C19orf18: variants seen among roughly 807,000 people sequenced by gnomAD.
The protein encoded by C19orf18 is uncharacterized protein C19orf18.
In C19orf18, 21 loss-of-function variants were observed where a neutral mutation model predicts 23.3. The observed-to-expected ratio is 0.90, with a 90% confidence interval of 0.64 to 1.30. The LOEUF (loss-of-function observed/expected upper bound fraction) is 1.30, where lower values mean the gene tolerates loss of function less well. Among genes scored for constraint, C19orf18 ranks in the 50% most tolerant of loss-of-function variants. C19orf18 has a pLI of 0.00. For missense variants in C19orf18, 249 were observed against 259.6 expected (o/e 0.96, Z 0.28); for synonymous variants, 96 against 95.2 (o/e 1.01, Z -0.05).
At chr19:57,966,077 A>C (rs1455909427) in intron 4 of C19orf18, among the ~76,000 whole-genome samples, 3 of 150,434 alleles carry the variant, frequency 2.0e-5, no homozygotes, top group Admixed American at 2.0e-4. Flanking sequence ...TCCCGGGTTC[A>C]CACCATTCTC....
At chr19:57,958,844 T>G (rs1211615077) in intron 5 of C19orf18, 127 bp from the exon 6 acceptor site, 1 of 540,496 alleles carries the variant, frequency 1.9e-6, no homozygotes, top group Non-Finnish European at 3.2e-6. Flanking sequence ...GGATTCATAA[T>G]GAATGTTATT....
chr19:57,972,002 C>G (rs1039247008), intron 3 of C19orf18, among the ~76,000 whole-genome samples: 1 of 152,138 alleles, frequency 6.6e-6, no homozygotes. Context: ...GACTCAGAAG[C>G]CGCCCTGTTG....
chr19:57,961,266 G>A (rs1447403892), intron 5 of C19orf18, 125 bp downstream of exon 5: 2 of 1,053,274 alleles, frequency 1.9e-6, no homozygotes, highest in East Asian at 5.1e-5. Flanking sequence ...AAGGAAGGAA[G>A]AAAGAAAGAA....
chr19:57,972,412 A>C, intron 3 of C19orf18, 51 bp downstream of exon 3: 3 of 1,599,862 alleles, frequency 1.9e-6, no homozygotes, highest in Non-Finnish European at 2.6e-6. Flanking sequence ...ACATCACGAC[A>C]GCTTCAGGAA....
intron 4 of C19orf18, 75 bp from the exon 5 acceptor site, chr19:57,961,626 T>C: frequency 1.9e-6 from 3 of 1,547,302 alleles, no homozygotes; most frequent in African/African-American, 1.4e-5. Context: ...ATGCCACTTT[T>C]TGACAGGAAA....
Position 57,966,583 on chromosome 19 carries a change from G to A in C19orf18, c.318C>T (p.Ser106=), listed in dbSNP as rs769105610. ...PALVKVILIS[S]VAFSIALICG... ...ATATCAGGGCAATGCTGAAGGCTAC[G>A]CTCGAAATTAAAATTACTTTAACAA... is the stretch of plus-strand genomic sequence containing the variant. Residue 106 remains serine (S), a synonymous_variant, in exon 4 of 6, where the codon AGC becomes AGT. Transcript: ENST00000314391. The A allele has an allele frequency of 3.7e-6, 6 of 1,613,072 alleles. No homozygotes were observed. The highest frequency in any genetic ancestry group is 1.1e-5 in the South Asian group (1 of 91,070).
At chr19:57,965,054 G>A (rs2072899313) in intron 4 of C19orf18, among the ~76,000 whole-genome samples, 3 of 152,184 alleles carry the variant, frequency 2.0e-5, no homozygotes, top group African/African-American at 7.2e-5. Flanking sequence ...GTGAAAGGGA[G>A]AGTGGTCGCT....
At chr19:57,966,287 T>C (rs1482948471) in intron 4 of C19orf18, among the ~76,000 whole-genome samples, 1 of 152,142 alleles carries the variant, frequency 6.6e-6, no homozygotes, top group Non-Finnish European at 1.5e-5. Flanking sequence ...TAATATTTTC[T>C]AATATTTTCT....
intron 3 of C19orf18, among the ~76,000 whole-genome samples, chr19:57,969,609 A>C (rs1271393232): frequency 6.3e-4 from 93 of 147,970 alleles, no homozygotes; most frequent in Non-Finnish European, 1.0e-3. Flanking sequence ...AAGAAAAAAA[A>C]CAAAGTAAGC....
chr19:57,965,874 T>G (rs577881118), intron 4 of C19orf18, among the ~76,000 whole-genome samples: 1 of 152,332 alleles, frequency 6.6e-6, no homozygotes, highest in Admixed American at 6.5e-5. Flanking sequence ...AAATATATTT[T>G]ATTTCACAAC....
chr19:57,961,592 T>C (rs552319930), intron 4 of C19orf18, 41 bp from the exon 5 acceptor site: 2 of 1,600,446 alleles, frequency 1.2e-6, no homozygotes, highest in East Asian at 2.2e-5. Context: ...ACAGTTTTCA[T>C]GATGAATAAT....
chr19:57,961,646 T>G, intron 4 of C19orf18, 95 bp from the exon 5 acceptor site: 4 of 1,394,464 alleles, frequency 2.9e-6, no homozygotes, highest in Non-Finnish European at 4.0e-6. Flanking sequence ...AGGAGTCGCT[T>G]GTGGAGTGGG....
At chr19:57,963,231 G>C (rs768104279) in intron 4 of C19orf18, among the ~76,000 whole-genome samples, 2 of 151,888 alleles carry the variant, frequency 1.3e-5, no homozygotes, top group Non-Finnish European at 1.5e-5. Flanking sequence ...GTTTCTCCAT[G>C]TTGGTCAGGC....
intron 3 of C19orf18, among the ~76,000 whole-genome samples, chr19:57,967,829 G>A (rs138640063): frequency 0.056 from 8,126 of 145,880 alleles, 320 homozygotes; most frequent in Middle Eastern, 0.085. Context: ...CCAACACGGC[G>A]AAACCCCATC....
intron 4 of C19orf18, among the ~76,000 whole-genome samples, chr19:57,962,047 T>C (rs1049388141): frequency 1.3e-5 from 2 of 151,516 alleles, no homozygotes; most frequent in Admixed American, 6.6e-5. Context: ...TTTCTCTCTT[T>C]GGAACAGGGT....
intron 3 of C19orf18, among the ~76,000 whole-genome samples, chr19:57,967,084 A>C (rs1365949833): frequency 8.0e-6 from 1 of 124,950 alleles, no homozygotes; most frequent in Non-Finnish European, 1.7e-5. Context: ...ACTCCGTCTC[A>C]AAAAAAAAAA....
intron 4 of C19orf18, among the ~76,000 whole-genome samples, chr19:57,963,151 C>T (rs1023429358): frequency 2.0e-5 from 3 of 151,342 alleles, no homozygotes; most frequent in Admixed American, 2.0e-4. Flanking sequence ...CTCAGCCTCC[C>T]GAGTAGCTGG....
chr19:57,965,614 G>A (rs754229687), intron 4 of C19orf18, among the ~76,000 whole-genome samples: 11 of 152,084 alleles, frequency 7.2e-5, no homozygotes, highest in African/African-American at 9.7e-5. Context: ...GCATGGTGGC[G>A]TATGCCTGCA....
chr19:57,965,318 A>C (rs1168705252), intron 4 of C19orf18, among the ~76,000 whole-genome samples: 1 of 152,038 alleles, frequency 6.6e-6, no homozygotes, highest in Non-Finnish European at 1.5e-5. Context: ...TATTTTTAGC[A>C]GAGACGGGGT....
Sources: allele counts gnomAD v4.1 joint callset (sites outside exome capture counted in the v4.1 genomes callset), GRCh38; gene constraint gnomAD v4.1.1; transcripts MANE v1.5; gene names NCBI Gene and HGNC (gene_info 2026-07-23, HGNC 2026-07-21).